Variants in EML2 observed in about 807,000 individuals in gnomAD.
EML2 encodes the protein echinoderm microtubule-associated protein-like 2.
EML2 carries 59 observed loss-of-function variants against 84.7 expected under a neutral mutation model. The observed-to-expected ratio is 0.70, with a 90% CI of 0.56 to 0.86. EML2 has a LOEUF of 0.86. Among genes scored for constraint, EML2 ranks in the 40% least tolerant of loss-of-function variants. The pLI is 0.00. For synonymous variants in EML2, 352 were observed against 348.9 expected (o/e 1.01, Z -0.10); for missense variants, 818 against 855.6 (o/e 0.96, Z 0.55).
At chr19:45,645,201 A>T, upstream of EML2, 1 of 1,462,380 alleles carries the variant, frequency 6.8e-7, no homozygotes, top group Non-Finnish European at 9.1e-7. Context: ...ACTTGCAAGG[A>T]GGAGGCTGGG....
At chr19:45,628,479 C>T (rs1972634628) in intron 7 of EML2, among the ~76,000 whole-genome samples, 1 of 152,100 alleles carries the variant, frequency 6.6e-6, no homozygotes, top group Admixed American at 6.6e-5. Flanking sequence ...AATTCCAGAG[C>T]ACAGCCTCCG....
At chr19:45,620,769 A>G (rs138115297) in intron 11 of EML2, 32 of 291,214 alleles carry the variant, frequency 1.1e-4, no homozygotes, top group East Asian at 8.6e-4. Context: ...GAGTTCTTTA[A>G]TTGGGTCAGG....
chr19:45,623,555 A>AT (rs1220444028), intron 9 of EML2: 98 of 145,926 alleles, frequency 6.7e-4, no homozygotes, highest in Admixed American at 1.2e-3. Context: ...TTAAAAAAAA[A>AT]TTTTTTTTTT....
chr19:45,621,857 A>G (rs12461306), intron 9 of EML2, among the ~76,000 whole-genome samples: 95,813 of 151,224 alleles, frequency 0.63, 32,288 homozygotes, highest in African/African-American at 0.87. Flanking sequence ...TGACTCTCCT[A>G]CCTCAGCCTC....
chr19:45,631,872 C>A (rs1162486437), intron 6 of EML2, among the ~76,000 whole-genome samples: 1 of 145,452 alleles, frequency 6.9e-6, no homozygotes, highest in Non-Finnish European at 1.5e-5. Context: ...CTAGTACACC[C>A]AGCTAATTAG....
At chr19:45,641,823 C>T (rs1249128827), upstream of EML2, 2 of 1,510,958 alleles carry the variant, frequency 1.3e-6, no homozygotes, top group African/African-American at 1.4e-5. Context: ...CGAGATTCTC[C>T]CTGCACCCTC....
At chr19:45,645,497 G>A (rs1600264214), upstream of EML2, 3 of 1,393,240 alleles carry the variant, frequency 2.2e-6, no homozygotes, top group East Asian at 8.6e-5. Flanking sequence ...CCGGCGCTGG[G>A]GTCATCCCCA....
At chr19:45,641,644 TC>T, upstream of EML2, 2 of 1,536,128 alleles carry the variant, frequency 1.3e-6, no homozygotes, top group Non-Finnish European at 1.7e-6. Context: ...TCCTTACCCT[TC>T]CTTTTTGGCG....
chr19:45,625,319 C>T (rs1017039847), intron 8 of EML2, among the ~76,000 whole-genome samples: 3 of 152,234 alleles, frequency 2.0e-5, no homozygotes, highest in African/African-American at 7.2e-5. Flanking sequence ...CGGCTCACTG[C>T]AACCTCCACC....
chr19:45,634,837 C>T (rs1353104224), intron 3 of EML2, among the ~76,000 whole-genome samples: 1 of 147,556 alleles, frequency 6.8e-6, no homozygotes, highest in African/African-American at 2.5e-5. Context: ...CTGGGAGCCA[C>T]GGCACCCAGC....
intron 17 of EML2, 29 bp from the exon 18 acceptor site, chr19:45,613,700 G>T (rs1442951186): frequency 3.7e-6 from 6 of 1,603,358 alleles, no homozygotes; most frequent in Non-Finnish European, 3.4e-6. Flanking sequence ...GAAGTGGTAA[G>T]ATGTCAGCTG....
chr19:45,616,419 G>T, intron 15 of EML2, 42 bp downstream of exon 15: 1 of 1,487,106 alleles, frequency 6.7e-7, no homozygotes, highest in Non-Finnish European at 9.2e-7. Context: ...TGCACCCCCT[G>T]GGCGGGGTGG....
At chr19:45,641,457 C>T, upstream of EML2, 2 of 623,550 alleles carry the variant, frequency 3.2e-6, no homozygotes, top group South Asian at 1.9e-5. Context: ...ACTCCGCCCT[C>T]CCAGACCTTC....
At chr19:45,621,400 G>A (rs1448745031) in intron 10 of EML2, 68 bp from the exon 11 acceptor site, 2 of 1,573,092 alleles carry the variant, frequency 1.3e-6, no homozygotes, top group East Asian at 2.3e-5. Flanking sequence ...ACATACTGTG[G>A]GGAGGAGGGT....
rs1268576213 is a variant in EML2 at position 45,621,243 on chromosome 19, C to A, written c.1086G>T (p.Gln362His). Residue 362 changes from glutamine to histidine, a missense_variant, in exon 11 of 19, where the codon CAG (glutamine) becomes CAT (histidine). Coordinates refer to ENST00000245925, the MANE Select transcript of EML2 (RefSeq NM_012155.4). ...YVGTTRNSILQGSVHTGFSLL... is the reference protein window; with the variant it reads ...YVGTTRNSILHGSVHTGFSLL... ...GTGAGAAGCCTGTGTGCACGGAGCC[C>A]TGCAGGATGGAATTGCGGGTGGTCC... 6.2e-7 allele frequency: 1 copy of A among 1,613,912 alleles called. No individual in the cohort carries two copies. The highest frequency in any genetic ancestry group is 8.5e-7 in the Non-Finnish European group (1 of 1,180,022).
At chr19:45,614,030 T>C (rs1258603342) in intron 17 of EML2, among the ~76,000 whole-genome samples, 1 of 152,226 alleles carries the variant, frequency 6.6e-6, no homozygotes, top group Non-Finnish European at 1.5e-5. Flanking sequence ...TGGGCTTTTG[T>C]ATGTACTATT....
At position 45,609,698 on chromosome 19, in the gene EML2, T is replaced by C. The variant is rs1970282849; in HGVS notation, c.1915A>G (p.Lys639Glu). Residue 639 changes from lysine to glutamate, a missense_variant, in exon 19 of 19, where the codon AAG (lysine) becomes GAG (glutamate). Physicochemically the swap from Lys to Glu is moderately conservative, Grantham distance 56. Transcript: ENST00000245925. ...CGCCACTGTAGCACACTGGTGTCCT[T>C]GCCCCCTGTGGTCAGGGCCATGCTG... ...DDSMALTTGGKDTSVLQWRVV is the reference protein window; with the variant it reads ...DDSMALTTGGEDTSVLQWRVV The C allele has an allele frequency of 6.2e-7, 1 of 1,613,304 alleles. No individual in the cohort carries two copies. The highest frequency in any genetic ancestry group is 1.3e-5 in the African/African-American group (1 of 74,960).
chr19:45,639,317 G>T, intron 1 of EML2, 40 bp downstream of exon 1: 3 of 1,347,136 alleles, frequency 2.2e-6, no homozygotes. Context: ...CCCCGGGAGC[G>T]CGGAGAGGAG....
Position 45,619,048 on chromosome 19 carries a change from C to G in EML2, c.1254+12G>C, listed in dbSNP as rs373949602. 1.9e-6 allele frequency: 3 copies of G among 1,598,522 alleles called. No individual in the cohort carries two copies. Among genetic ancestry groups the G allele is most frequent in the Non-Finnish European group, 1.7e-6 (2 of 1,169,528 alleles). On this transcript the variant is annotated intron_variant, in intron 12 of 18. Coordinates refer to ENST00000245925, the MANE Select transcript of EML2 (RefSeq NM_012155.4). ...GTTAGAATGGTGCTTTTCCAGTCCCCGGGCCCCTTACCTCGATGATCCTGC... is the reference window on the plus strand; with the variant it reads ...GTTAGAATGGTGCTTTTCCAGTCCCGGGGCCCCTTACCTCGATGATCCTGC...
Sources: gnomAD v4.1 joint callset for allele counts (sites outside exome capture counted in the v4.1 genomes callset) on GRCh38, gnomAD v4.1.1 for gene constraint, MANE v1.5 for transcripts, NCBI Gene and HGNC (gene_info 2026-07-23, HGNC 2026-07-21) for gene names.